Variants in UBR3 observed in about 807,000 individuals in gnomAD.
The protein encoded by UBR3 is ubiquitin protein ligase E3 component n-recognin 3.
In UBR3, 85 loss-of-function variants were observed where a neutral mutation model predicts 243.2. The observed-to-expected ratio is 0.35, with a 90% CI of 0.29 to 0.42. The LOEUF (loss-of-function observed/expected upper bound fraction) is 0.42. Among genes scored for constraint, UBR3 ranks in the 10% least tolerant of loss-of-function variants. The pLI is 1.00. For missense variants in UBR3, 1,686 were observed against 2,300.8 expected (o/e 0.73, Z 5.47); for synonymous variants, 748 against 799.8 (o/e 0.94, Z 1.09).
intron 31 of UBR3, among the ~76,000 whole-genome samples, chr2:170,035,561 T>C (rs1014143175): frequency 1.3e-5 from 2 of 152,068 alleles, no homozygotes; most frequent in African/African-American, 4.8e-5. Context: ...TCTTGATTAC[T>C]GTAGCTTTAT....
intron 19 of UBR3, among the ~76,000 whole-genome samples, chr2:169,939,262 C>CTT (rs201824066): frequency 1.4e-4 from 20 of 142,084 alleles, no homozygotes; most frequent in African/African-American, 4.4e-4. Flanking sequence ...TACTTATTAA[C>CTT]TTTTTTTTTT....
At chr2:169,895,830 C>G (rs1348546783) in intron 7 of UBR3, among the ~76,000 whole-genome samples, 1 of 152,024 alleles carries the variant, frequency 6.6e-6, no homozygotes, top group Non-Finnish European at 1.5e-5. Context: ...CTGTTACTAT[C>G]TTACGGTTAT....
intron 32 of UBR3, among the ~76,000 whole-genome samples, chr2:170,048,073 C>T (rs1339801653): frequency 6.6e-6 from 1 of 152,182 alleles, no homozygotes; most frequent in Non-Finnish European, 1.5e-5. Flanking sequence ...TTTTCTAGAG[C>T]TGGCTTCTGC....
At chr2:169,828,343 G>A (rs1420224227) in intron 1 of UBR3, among the ~76,000 whole-genome samples, 1 of 152,202 alleles carries the variant, frequency 6.6e-6, no homozygotes, top group Non-Finnish European at 1.5e-5. Flanking sequence ...GGGTAGGAGG[G>A]GAGTGAGGGG....
intron 14 of UBR3, 83 bp from the exon 15 acceptor site, chr2:169,926,597 AAAAACAAAAAAC>A (rs2085919193): frequency 7.5e-7 from 1 of 1,339,290 alleles, no homozygotes; most frequent in African/African-American, 1.5e-5. Flanking sequence ...ACAAAAAACA[AAAAACAAAAAAC>A]AAAAAAAAGT....
chr2:169,842,117 T>G (rs2082315550), intron 1 of UBR3, among the ~76,000 whole-genome samples: 1 of 152,068 alleles, frequency 6.6e-6, no homozygotes, highest in South Asian at 2.1e-4. Flanking sequence ...TGTATCTAGC[T>G]GCTCTGGTGA....
intron 33 of UBR3, among the ~76,000 whole-genome samples, chr2:170,055,940 A>G (rs772288991): frequency 6.6e-6 from 1 of 151,540 alleles, no homozygotes; most frequent in Non-Finnish European, 1.5e-5. Context: ...CCTATCCCCA[A>G]TCACAATCCA....
At chr2:169,853,231 A>G (rs943112229) in intron 1 of UBR3, among the ~76,000 whole-genome samples, 1 of 152,196 alleles carries the variant, frequency 6.6e-6, no homozygotes, top group Non-Finnish European at 1.5e-5. Context: ...GAGTTCATGG[A>G]GAAGAGCTGG....
At chr2:169,887,489 T>A (rs1171234534) in intron 5 of UBR3, among the ~76,000 whole-genome samples, 1 of 152,192 alleles carries the variant, frequency 6.6e-6, no homozygotes, top group Non-Finnish European at 1.5e-5. Flanking sequence ...TTCTCTACTT[T>A]TGGGAGTTAT....
At chr2:169,832,692 T>C (rs1441054435) in intron 1 of UBR3, among the ~76,000 whole-genome samples, 1 of 152,108 alleles carries the variant, frequency 6.6e-6, no homozygotes. Flanking sequence ...CCCAGCACTT[T>C]GGGAGGCCGA....
At chr2:170,008,217 G>A (rs75791128) in intron 28 of UBR3, among the ~76,000 whole-genome samples, 3,357 of 152,206 alleles carry the variant, frequency 0.022, 57 homozygotes, top group Non-Finnish European at 0.036. Flanking sequence ...TTGTGATATG[G>A]TCTCTGAGAG....
intron 1 of UBR3, among the ~76,000 whole-genome samples, chr2:169,828,418 G>A: frequency 6.6e-6 from 1 of 152,174 alleles, no homozygotes; most frequent in African/African-American, 2.4e-5. Flanking sequence ...AGGCTGTAAA[G>A]CCTGGTTCTT....
chr2:169,928,942 A>G, intron 18 of UBR3, 74 bp downstream of exon 18: 1 of 1,204,238 alleles, frequency 8.3e-7, no homozygotes, highest in Non-Finnish European at 1.1e-6. Context: ...GTATTAAAAG[A>G]AAATGTTTAC....
chr2:170,078,437 T>C (rs942168969), intron 36 of UBR3: 5 of 196,566 alleles, frequency 2.5e-5, no homozygotes, highest in African/African-American at 9.6e-5. Context: ...AGCTGTTAAA[T>C]ACTTTCCACC....
chr2:169,956,474 T>C (rs983846348), intron 23 of UBR3, among the ~76,000 whole-genome samples: 1 of 152,034 alleles, frequency 6.6e-6, no homozygotes, highest in Non-Finnish European at 1.5e-5. Context: ...TTTTTTGAAA[T>C]GGCCAACATC....
intron 1 of UBR3, among the ~76,000 whole-genome samples, chr2:169,861,707 A>G (rs2083098728): frequency 6.6e-6 from 1 of 151,730 alleles, no homozygotes; most frequent in African/African-American, 2.4e-5. Flanking sequence ...TTTTATGTTT[A>G]TTAATCTTTT....
chr2:169,914,127 C>G lies in UBR3; in HGVS notation c.1847C>G (p.Ala616Gly). The part of the protein sequence containing the change: ...CLEALQDWFD[A>G]INFVDEPAPN... ...GAAGCTCTTCAAGACTGGTTTGATG[C>G]TATTAACTTCGTAGACGAGGTATGT... Residue 616 changes from alanine (A) to glycine (G), a missense_variant, in exon 11 of 39, where the codon GCT (alanine) becomes GGT (glycine). Ala to Gly is a moderately conservative substitution (Grantham distance 60). Coordinates refer to ENST00000272793, the MANE Select transcript of UBR3 (RefSeq NM_172070.4). The G allele has an allele frequency of 6.6e-7, 1 of 1,505,354 alleles. No homozygotes were observed. The highest frequency in any genetic ancestry group is 2.6e-5 in the East Asian group (1 of 38,348). 93.2% of individuals were successfully genotyped at this position (1,505,354 alleles called of 1,614,324 possible). A position where few individuals can be genotyped will look rare whatever the true frequency, so the allele number is the denominator to read the frequency against.
chr2:169,856,857 T>C (rs1162284800), intron 1 of UBR3, among the ~76,000 whole-genome samples: 1 of 151,712 alleles, frequency 6.6e-6, no homozygotes, highest in Non-Finnish European at 1.5e-5. Flanking sequence ...GAGGGGGAGC[T>C]ATCCATTACT....
chr2:170,076,309 C>CT (rs2091808756), intron 36 of UBR3, among the ~76,000 whole-genome samples: 1 of 152,328 alleles, frequency 6.6e-6, no homozygotes, highest in South Asian at 2.1e-4. Context: ...TGGCCCACTA[C>CT]TTTCACATCT....
Sources: gnomAD v4.1 joint callset for allele counts (sites outside exome capture counted in the v4.1 genomes callset) on GRCh38, gnomAD v4.1.1 for gene constraint, MANE v1.5 for transcripts, NCBI Gene and HGNC (gene_info 2026-07-23, HGNC 2026-07-21) for gene names.